Variants in TCF12 observed in about 807,000 individuals in gnomAD.
TCF12 encodes the protein transcription factor 12.
TCF12 carries 45 observed loss-of-function variants against 86.0 expected under a neutral mutation model. The ratio of observed to expected loss-of-function variants is 0.52; its 90% CI spans 0.41 to 0.67. The LOEUF (loss-of-function observed/expected upper bound fraction) is 0.67, where lower values mean the gene tolerates loss of function less well. Ranked by LOEUF, TCF12 falls within the 30% of genes least tolerant of loss-of-function variation. The probability of loss-of-function intolerance (pLI) is 0.00; values close to 1 mark genes in which losing one functional copy is unlikely to be tolerated. For synonymous variants in TCF12, 330 were observed against 299.6 expected, an observed-to-expected ratio of 1.10 and a Z score of -1.05; for missense variants, 881 against 859.9, an observed-to-expected ratio of 1.02 and a Z score of -0.31.
intron 4 of TCF12, among the ~76,000 whole-genome samples, chr15:57,064,457 CA>C (rs536906947): frequency 2.0e-5 from 3 of 152,074 alleles, no homozygotes; most frequent in Non-Finnish European, 4.4e-5. Flanking sequence ...TAAAAGTAAG[CA>C]CTCTGCTCCC....
At chr15:57,199,389 A>G (rs535482363) in intron 8 of TCF12, among the ~76,000 whole-genome samples, 5 of 152,222 alleles carry the variant, frequency 3.3e-5, no homozygotes, top group African/African-American at 1.2e-4. Context: ...CTGTAATTCA[A>G]TGAGAGTAAT....
chr15:57,139,403 G>A (rs2151393600), intron 5 of TCF12, among the ~76,000 whole-genome samples: 1 of 152,272 alleles, frequency 6.6e-6, no homozygotes, highest in East Asian at 1.9e-4. Context: ...GATTTCAGCT[G>A]CATGTTGGTA....
At chr15:56,956,086 T>A (rs2140500549) in intron 3 of TCF12, among the ~76,000 whole-genome samples, 1 of 152,182 alleles carries the variant, frequency 6.6e-6, no homozygotes, top group South Asian at 2.1e-4. Flanking sequence ...ACACTTTTTT[T>A]CTTGTTTTTA....
At chr15:57,150,927 C>T (rs59214420) in intron 5 of TCF12, among the ~76,000 whole-genome samples, 17 of 133,090 alleles carry the variant, frequency 1.3e-4, no homozygotes, top group East Asian at 2.2e-4. Flanking sequence ...TCCTTCCTTC[C>T]TTCCTTCCTT....
At position 57,273,081 on chromosome 15, in the gene TCF12, G is replaced by A. The variant is rs78462051; in HGVS notation, c.1797G>A (p.Glu599=). The A allele has an allele frequency of 6.2e-7, 1 of 1,614,256 alleles. No homozygotes were observed. ...ACCCTGAACAGAAGATAGAAAGGGA[G>A]AAGGAGAGGCGGATGGCTAACAATG... ...DLNPEQKIER[E]KERRMANNAR... The change falls in exon 19 of 21, where the codon GAG becomes GAA. Residue 599 remains glutamate, a synonymous_variant. Coordinates refer to ENST00000333725, the MANE Select transcript of TCF12 (RefSeq NM_207037.2).
chr15:57,174,542 A>G (rs1199908876), intron 6 of TCF12, among the ~76,000 whole-genome samples: 1 of 152,232 alleles, frequency 6.6e-6, no homozygotes, highest in South Asian at 2.1e-4. Flanking sequence ...TGTTTTGGCC[A>G]GTGTATGAGG....
intron 3 of TCF12, among the ~76,000 whole-genome samples, chr15:56,948,584 A>G (rs1470115923): frequency 1.3e-5 from 2 of 152,198 alleles, no homozygotes; most frequent in East Asian, 3.9e-4. Context: ...TGAAGTAACA[A>G]ATATCAGTAA....
At chr15:56,980,948 G>A (rs1411674773) in intron 3 of TCF12, among the ~76,000 whole-genome samples, 1 of 152,110 alleles carries the variant, frequency 6.6e-6, no homozygotes, top group Non-Finnish European at 1.5e-5. Context: ...CAAGACTAGA[G>A]GTTGATATTT....
chr15:57,114,845 G>C (rs2050733730), intron 5 of TCF12, among the ~76,000 whole-genome samples: 1 of 152,020 alleles, frequency 6.6e-6, no homozygotes, highest in Non-Finnish European at 1.5e-5. Context: ...CCTGAAGGAG[G>C]CATTAAGAAA....
intron 3 of TCF12, 82 bp downstream of exon 3, chr15:56,921,180 A>C: frequency 5.4e-6 from 5 of 919,830 alleles, no homozygotes; most frequent in East Asian, 3.0e-5. Flanking sequence ...ATAACATTTA[A>C]ATATTATTGA....
chr15:57,284,634 C>T (rs541526535), intron 20 of TCF12, among the ~76,000 whole-genome samples: 15 of 152,362 alleles, frequency 9.8e-5, no homozygotes, highest in African/African-American at 3.6e-4. Flanking sequence ...GCTCAGGTCC[C>T]AGATAACCAC....
intron 8 of TCF12, among the ~76,000 whole-genome samples, chr15:57,199,060 C>G (rs1432401860): frequency 6.6e-6 from 1 of 152,142 alleles, no homozygotes; most frequent in Admixed American, 6.6e-5. Flanking sequence ...GTGCTCTGAA[C>G]CTGCAGCCTA....
At chr15:57,181,779 T>C (rs1353362202) in intron 6 of TCF12, among the ~76,000 whole-genome samples, 2 of 152,330 alleles carry the variant, frequency 1.3e-5, no homozygotes, top group Admixed American at 6.5e-5. Flanking sequence ...GTTTGTCATA[T>C]GTAATTCAAA....
intron 6 of TCF12, among the ~76,000 whole-genome samples, chr15:57,184,084 C>T (rs753971025): frequency 6.6e-6 from 1 of 151,990 alleles, no homozygotes; most frequent in South Asian, 2.1e-4. Flanking sequence ...AGCAAACAGA[C>T]TTCTCTTCAC....
intron 4 of TCF12, among the ~76,000 whole-genome samples, chr15:57,078,835 G>A (rs188473288): frequency 6.6e-6 from 1 of 152,140 alleles, no homozygotes. Context: ...ATCCATTTCG[G>A]TTATTGCTGC....
chr15:57,098,476 T>A (rs1186136300), intron 5 of TCF12, among the ~76,000 whole-genome samples: 1 of 152,228 alleles, frequency 6.6e-6, no homozygotes, highest in Non-Finnish European at 1.5e-5. Flanking sequence ...ACCATGCCCT[T>A]TTTCTGCCTT....
At chr15:57,021,109 A>G (rs1034860620) in intron 3 of TCF12, among the ~76,000 whole-genome samples, 44 of 152,320 alleles carry the variant, frequency 2.9e-4, no homozygotes, top group Middle Eastern at 6.8e-3. Context: ...CCCATATAGA[A>G]CAAAATTATG....
At chr15:57,210,958 C>T (rs920658185) in intron 8 of TCF12, among the ~76,000 whole-genome samples, 30 of 152,214 alleles carry the variant, frequency 2.0e-4, no homozygotes, top group African/African-American at 7.0e-4. Flanking sequence ...GCAGGAGCCT[C>T]AGCCCACTTA....
At chr15:57,241,386 C>T (rs548272555) in intron 12 of TCF12, among the ~76,000 whole-genome samples, 53 of 152,054 alleles carry the variant, frequency 3.5e-4, no homozygotes, top group African/African-American at 1.2e-3. Context: ...GCTACCGCAC[C>T]CGGCCTATTA....
Sources: gnomAD v4.1 joint callset for allele counts (sites outside exome capture counted in the v4.1 genomes callset) on GRCh38, gnomAD v4.1.1 for gene constraint, MANE v1.5 for transcripts, NCBI Gene and HGNC (gene_info 2026-07-23, HGNC 2026-07-21) for gene names.